Variants in MYO1D observed in about 807,000 individuals in gnomAD.
The protein encoded by MYO1D is unconventional myosin-Id.
MYO1D carries 83 observed loss-of-function variants against 122.0 expected under a neutral mutation model. That is an observed-to-expected ratio of 0.68 (90% CI 0.57 to 0.82). MYO1D has a LOEUF of 0.82. Among genes scored for constraint, MYO1D ranks in the 40% least tolerant of loss-of-function variants. The probability of loss-of-function intolerance (pLI) is 0.00; values close to 1 mark genes in which losing one functional copy is unlikely to be tolerated. For synonymous variants in MYO1D, 464 were observed against 446.9 expected (o/e 1.04, Z -0.48); for missense variants, 1,157 against 1,269.5 (o/e 0.91, Z 1.35).
At chr17:32,565,106 C>T (rs766035992) in intron 21 of MYO1D, among the ~76,000 whole-genome samples, 3 of 152,166 alleles carry the variant, frequency 2.0e-5, no homozygotes, top group South Asian at 2.1e-4. Flanking sequence ...CAGGTTCAAG[C>T]GATTCTCTTG....
chr17:32,549,207 C>T (rs1166564629), intron 21 of MYO1D, among the ~76,000 whole-genome samples: 3 of 152,154 alleles, frequency 2.0e-5, no homozygotes, highest in Non-Finnish European at 4.4e-5. Context: ...AGCCTCCCAC[C>T]TCAGCCTCCA....
At chr17:32,690,814 C>G (rs1011834307) in intron 16 of MYO1D, among the ~76,000 whole-genome samples, 1 of 152,142 alleles carries the variant, frequency 6.6e-6, no homozygotes, top group Non-Finnish European at 1.5e-5. Flanking sequence ...GAACCATCAG[C>G]CAATTAAGCC....
At position 32,784,417 on chromosome 17, in the gene MYO1D, C is replaced by T. The variant is rs537417968; in HGVS notation, c.96-3633G>A. ...GTCACTCTTAATACTCTACCTCCAA[C>T]GTCAGTTTTATGGTCTTTGCTCTGT... On this transcript the variant is annotated intron_variant, in intron 1 of 21. Coordinates refer to ENST00000318217, the MANE Select transcript of MYO1D (RefSeq NM_015194.3). Among the ~76,000 whole-genome samples the T allele has an allele frequency of 1.6e-4, 24 of 152,206 alleles. 1 individual carries two copies. The highest frequency in any genetic ancestry group is 5.5e-4 in the African/African-American group (23 of 41,538).
intron 1 of MYO1D, among the ~76,000 whole-genome samples, chr17:32,785,383 G>C (rs1296441894): frequency 6.6e-6 from 1 of 152,194 alleles, no homozygotes; most frequent in Non-Finnish European, 1.5e-5. Context: ...TCATTTACTT[G>C]AGGAGGAACG....
rs35465683 is a variant in MYO1D at position 32,550,100 on chromosome 17, A to AT, written c.2864+54986dup. ...AATGATTTTCAAGCTTTGAGCTATAATTTTTTTTTTTTTTTTTGAGATGGA... is the reference window on the plus strand; with the variant it reads ...AATGATTTTCAAGCTTTGAGCTATAATTTTTTTTTTTTTTTTTTGAGATGGA... On this transcript the variant is annotated intron_variant, in intron 21 of 21. Transcript: ENST00000318217. Among the ~76,000 whole-genome samples, 525 of 143,112 alleles carry AT rather than the reference A, an allele frequency of 3.7e-3. 1 individual carries two copies. The highest frequency in any genetic ancestry group is 7.2e-3 in the Middle Eastern group (2 of 278). The allele number at this position is 143,112 out of a possible 152,430, so 93.9% of individuals were successfully genotyped here.
At chr17:32,603,070 T>TAA (rs3040377) in intron 21 of MYO1D, among the ~76,000 whole-genome samples, 47,242 of 148,278 alleles carry the variant, frequency 0.32, 7,557 homozygotes, top group South Asian at 0.37. Context: ...CACCAAGAAT[T>TAA]AAAAAAAAAA....
chr17:32,726,048 A>T (rs1486867862), intron 14 of MYO1D, among the ~76,000 whole-genome samples: 1 of 152,244 alleles, frequency 6.6e-6, no homozygotes, highest in Admixed American at 6.5e-5. Flanking sequence ...GTAAACAAAA[A>T]CAACATTTGT....
intron 20 of MYO1D, among the ~76,000 whole-genome samples, chr17:32,607,853 T>C (rs1159145732): frequency 6.6e-6 from 1 of 151,906 alleles, no homozygotes; most frequent in East Asian, 1.9e-4. Context: ...TGGCCAATAA[T>C]TTTTTCACCA....
At chr17:32,546,909 C>CT (rs11410191) in intron 21 of MYO1D, among the ~76,000 whole-genome samples, 69,078 of 138,452 alleles carry the variant, frequency 0.5, 17,952 homozygotes, top group South Asian at 0.67. Context: ...AAATAAGAAC[C>CT]TTTTTTTTTT....
intron 21 of MYO1D, among the ~76,000 whole-genome samples, chr17:32,601,929 A>C (rs7211622): frequency 6.6e-6 from 1 of 152,186 alleles, no homozygotes; most frequent in Non-Finnish European, 1.5e-5. Context: ...TTGAATAAAG[A>C]CTGCAGGAGG....
chr17:32,597,661 C>G (rs1333386201), intron 21 of MYO1D, among the ~76,000 whole-genome samples: 1 of 151,758 alleles, frequency 6.6e-6, no homozygotes, highest in African/African-American at 2.4e-5. Context: ...CACCTGAGGT[C>G]AGGAGTTTAA....
chr17:32,669,834 T>C (rs1229276506), intron 16 of MYO1D, among the ~76,000 whole-genome samples: 1 of 152,142 alleles, frequency 6.6e-6, no homozygotes, highest in Non-Finnish European at 1.5e-5. Context: ...GGGTATTTTA[T>C]ACACATTTTA....
chr17:32,814,280 G>A lies in MYO1D; in HGVS notation c.96-33496C>T, dbSNP rs556336316. Among the ~76,000 whole-genome samples the A allele has an allele frequency of 4.6e-5, 7 of 152,286 alleles. No homozygotes were observed. In the South Asian group the frequency reaches 1.2e-3, roughly 27 times the overall value. ...AATCACCTGAACCCGGGAGGCGGAG[G>A]TTGCAGTGAGCTGAGATCCCACAAC... On this transcript the variant is annotated intron_variant, in intron 1 of 21. Coordinates refer to ENST00000318217, the MANE Select transcript of MYO1D (RefSeq NM_015194.3).
intron 1 of MYO1D, among the ~76,000 whole-genome samples, chr17:32,873,490 T>C (rs111562385): frequency 1.3e-5 from 2 of 152,316 alleles, no homozygotes; most frequent in Non-Finnish European, 2.9e-5. Flanking sequence ...ATTTCAGCTA[T>C]ATACAACCAG....
intron 1 of MYO1D, among the ~76,000 whole-genome samples, chr17:32,855,287 G>C (rs967540101): frequency 6.6e-6 from 1 of 151,872 alleles, no homozygotes; most frequent in South Asian, 2.1e-4. Context: ...GACTGTTCCC[G>C]GCACCCCCAG....
rs931071889 is a variant in MYO1D, at chr17:32,493,115, A to G, written c.*1644T>C. ...GAGGAAGTTCCAGTTAGATGGTTCC[A>G]CTAGTGTCTACTGGTAATTGGCAAA... On this transcript the variant is annotated 3_prime_UTR_variant, in exon 22 of 22. Transcript: ENST00000318217. 2.0e-5 allele frequency: 3 copies of G among 152,546 alleles called. No homozygotes were observed. The highest frequency in any genetic ancestry group is 7.2e-5 in the African/African-American group (3 of 41,482). 9.4% of individuals were successfully genotyped at this position (152,546 alleles called of 1,614,324 possible).
intron 21 of MYO1D, among the ~76,000 whole-genome samples, chr17:32,583,051 AT>A (rs1449097425): frequency 2.0e-5 from 3 of 152,164 alleles, no homozygotes; most frequent in African/African-American, 7.2e-5. Context: ...GGACTTTAAC[AT>A]CTCTTGTACT....
At chr17:32,717,956 C>T (rs2089467054) in intron 15 of MYO1D, among the ~76,000 whole-genome samples, 1 of 152,118 alleles carries the variant, frequency 6.6e-6, no homozygotes, top group South Asian at 2.1e-4. Flanking sequence ...GTTCTTTCCT[C>T]TAGTCCTTCT....
At chr17:32,577,049 C>T (rs1311710458) in intron 21 of MYO1D, among the ~76,000 whole-genome samples, 3 of 151,874 alleles carry the variant, frequency 2.0e-5, no homozygotes, top group East Asian at 3.9e-4. Flanking sequence ...CAGGAGTTTG[C>T]GACCAGCCTG....
Sources: allele counts gnomAD v4.1 joint callset (sites outside exome capture counted in the v4.1 genomes callset), GRCh38; gene constraint gnomAD v4.1.1; transcripts MANE v1.5; gene names NCBI Gene and HGNC (gene_info 2026-07-23, HGNC 2026-07-21).